Variants in GABRE observed in about 807,000 individuals in gnomAD.
The protein encoded by GABRE is gamma-aminobutyric acid receptor subunit epsilon.
A neutral mutation model predicts 31.0 loss-of-function variants in GABRE; 20 were observed. The observed-to-expected ratio is 0.64, with a 90% CI of 0.45 to 0.94. GABRE has a LOEUF of 0.94. GABRE is among the 40% of genes least tolerant of loss of function. GABRE has a pLI of 0.00. For missense variants in GABRE, 420 were observed against 410.7 expected (o/e 1.02, Z -0.20); for synonymous variants, 155 against 150.6 (o/e 1.03, Z -0.21).
chrX:151,956,787 TGGTCATGGCTCTCAGCTAGAC>T (rs1252267708), intron 6 of GABRE: 1 of 112,185 alleles, frequency 8.9e-6, no homozygotes, highest in Non-Finnish European at 1.9e-5. Flanking sequence ...ATTGTGTCCT[TGGTCATGGCTCTCAGCTAGAC>T]GGTCATGGCT....
intron 6 of GABRE, 95 bp downstream of exon 6, chrX:151,959,744 T>C (rs369190909): frequency 3.3e-5 from 31 of 953,452 alleles, no homozygotes; most frequent in Middle Eastern, 2.7e-4. Flanking sequence ...TCTTACAATG[T>C]TTGCACGGGA....
rs1254157156 is a variant in GABRE at position 151,974,554 on chromosome X, C to T, written c.56+16G>A. ...CTGGGCGCGAAGGGCTCCCGGGTCCCGGGATGGAGACTCACCTCGACTGGA... is the reference window on the plus strand; with the variant it reads ...CTGGGCGCGAAGGGCTCCCGGGTCCTGGGATGGAGACTCACCTCGACTGGA... On this transcript the variant is annotated intron_variant, in intron 1 of 8. Coordinates refer to ENST00000370328, the MANE Select transcript of GABRE (RefSeq NM_004961.4). 3.5e-6 allele frequency: 4 copies of T among 1,146,902 alleles called. No homozygotes were observed. Among genetic ancestry groups the T allele is most frequent in the Non-Finnish European group, 4.7e-6 (4 of 858,708 alleles). 94.5% of individuals were successfully genotyped at this position (1,146,902 alleles called of 1,213,427 possible).
At chrX:151,958,502 C>T in intron 6 of GABRE, 2 of 339,848 alleles carry the variant, frequency 5.9e-6, no homozygotes, top group Non-Finnish European at 1.2e-5. Flanking sequence ...CTCTTTTCTC[C>T]TCAAGAATCC....
chrX:151,961,215 G>T (rs1934357543), intron 5 of GABRE, 68 bp downstream of exon 5: 1 of 730,325 alleles, frequency 1.4e-6, no homozygotes, highest in Non-Finnish European at 2.1e-6. Context: ...AAATGTAAAT[G>T]GCAAGGATGA....
chrX:151,957,430 C>T (rs1475866761), intron 6 of GABRE: 1 of 328,712 alleles, frequency 3.0e-6, no homozygotes, highest in Non-Finnish European at 5.9e-6. Flanking sequence ...ACCACCCTCG[C>T]ACTTGCCTAC....
intron 2 of GABRE, 118 bp from the exon 3 acceptor site, chrX:151,969,854 G>A: frequency 9.0e-7 from 1 of 1,109,060 alleles, no homozygotes; most frequent in Non-Finnish European, 1.2e-6. Flanking sequence ...CACAGTTTCA[G>A]CATCTAATCC....
Position 151,974,522 on chromosome X carries a change from G to A in GABRE, c.56+48C>T, listed in dbSNP as rs758296148. On this transcript the variant is annotated intron_variant, in intron 1 of 8. Coordinates refer to ENST00000370328, the MANE Select transcript of GABRE (RefSeq NM_004961.4). ...CGGGAGCCGTCCCGGCTCCCGGGGA[G>A]AGGGAGCTGGGCGCGAAGGGCTCCC... is the stretch of plus-strand genomic sequence containing the variant. The A allele has an allele frequency of 1.5e-5, 14 of 947,249 alleles. No homozygotes were observed. The South Asian group carries it at 3.3e-4, about 22-fold the overall frequency. 78.1% of individuals were successfully genotyped at this position (947,249 alleles called of 1,213,427 possible).
intron 4 of GABRE, 47 bp from the exon 5 acceptor site, chrX:151,961,412 G>A (rs750082519): frequency 4.1e-5 from 37 of 891,837 alleles, no homozygotes; most frequent in African/African-American, 8.2e-5. Flanking sequence ...AAGCACTTCC[G>A]TATCCACCCA....
Position 151,958,991 on chromosome X carries a change from G to A in GABRE, c.784+848C>T, listed in dbSNP as rs185064374. The A allele has an allele frequency of 3.3e-4, 107 of 327,662 alleles. 1 individual carries two copies. The highest frequency in any genetic ancestry group is 3.6e-4 in the Non-Finnish European group (61 of 168,468). The allele number at this position is 327,662 out of a possible 1,213,427, so 27.0% of individuals were successfully genotyped here. A position where few individuals can be genotyped will look rare whatever the true frequency, so the allele number is the denominator to read the frequency against. On this transcript the variant is annotated intron_variant, in intron 6 of 8. Transcript: ENST00000370328. Reference sequence around the variant, plus strand: ...GGTAGCAGAACAAGATGCCTCTCACGACAAATGGCTGGTTGGGTGACTGGC... The same window carrying A: ...GGTAGCAGAACAAGATGCCTCTCACAACAAATGGCTGGTTGGGTGACTGGC...
chrX:151,970,269 T>C lies in GABRE; in HGVS notation c.190A>G (p.Arg64Gly), dbSNP rs1196755593. 1 of 1,210,795 alleles carries C rather than the reference T, an allele frequency of 8.3e-7. No homozygotes were observed. The highest frequency in any genetic ancestry group is 1.1e-6 in the Non-Finnish European group (1 of 895,476). ...TKSTETETGS[R>G]VGKLPEASRI... ...GAGGCTTCTGGCAGTTTGCCAACTC[T>C]GCTCCCAGTCTCAGTCTCAGTTGAC... Residue 64 changes from arginine (R) to glycine (G), a missense_variant, in exon 2 of 9, where the codon AGA (arginine) becomes GGA (glycine). Transcript: ENST00000370328.
intron 1 of GABRE, chrX:151,972,639 C>T: frequency 1.3e-6 from 1 of 753,509 alleles, no homozygotes; most frequent in South Asian, 6.8e-5. Flanking sequence ...CCCTCCTGCC[C>T]CTAGACTAGG....
At position 151,954,751 on chromosome X, in the gene GABRE, T is replaced by C. The variant is rs1024271649; in HGVS notation, c.1471A>G (p.Thr491Ala). The change falls in exon 9 of 9, where the codon ACT (threonine) becomes GCT (alanine). Residue 491 changes from threonine to alanine, a missense_variant. By Grantham distance (58) the Thr-to-Ala change is moderately conservative (BLOSUM62 0). Transcript: ENST00000370328. ...TAGAGCACATTGAAGAAGAAGAAAG[T>C]CACTGGGAAAACAACTCTCGAGTAG... ...DNYSRVVFPV[T>A]FFFFNVLYWL... 5.0e-6 allele frequency: 6 copies of C among 1,210,016 alleles called. No homozygotes were observed. The African/African-American group carries it at 1.0e-4, about 21-fold the overall frequency.
intron 1 of GABRE, among the ~76,000 whole-genome samples, chrX:151,970,717 C>T (rs973982487): frequency 2.7e-5 from 3 of 112,209 alleles, no homozygotes; most frequent in Non-Finnish European, 3.8e-5. Flanking sequence ...TATGTCTGAG[C>T]GCTGGCCCAC....
chrX:151,968,355 T>C (rs963968105), intron 3 of GABRE, among the ~76,000 whole-genome samples: 2 of 112,635 alleles, frequency 1.8e-5, no homozygotes, highest in African/African-American at 6.4e-5. Flanking sequence ...TGATTATTTG[T>C]TGTTTTAAGA....
rs772552823 is a variant in GABRE, at chrX:151,955,609, G to C, written c.938-42C>G. 2.5e-6 allele frequency: 3 copies of C among 1,199,215 alleles called. No homozygotes were observed. The South Asian group carries it at 5.3e-5, about 21-fold the overall frequency. ...GTGATGGGCTCAGCTCCTGACCTAT[G>C]TGCGACATTGGTTAAAAGACTCCAT... On this transcript the variant is annotated intron_variant, in intron 7 of 8. Transcript: ENST00000370328.
intron 1 of GABRE, chrX:151,972,151 G>A: frequency 1.3e-6 from 1 of 753,329 alleles, no homozygotes; most frequent in Non-Finnish European, 1.6e-6. Context: ...GCCAACTTAA[G>A]AAGCAAAATG....
chrX:151,971,276 A>C (rs1253996041), intron 1 of GABRE: 1 of 331,201 alleles, frequency 3.0e-6, no homozygotes, highest in African/African-American at 2.6e-5. Context: ...ACAACTCATC[A>C]GCTGTACACT....
intron 4 of GABRE, 46 bp downstream of exon 4, chrX:151,962,377 G>A (rs779860017): frequency 9.3e-6 from 10 of 1,075,145 alleles, no homozygotes. Context: ...ATTATCAGAA[G>A]GGGAGAGAGA....
At chrX:151,957,747 G>A in intron 6 of GABRE, 2 of 220,940 alleles carry the variant, frequency 9.1e-6, no homozygotes, top group South Asian at 5.7e-5. Context: ...AATATATCTG[G>A]GGCTGATGAA....
Sources: gnomAD v4.1 joint callset for allele counts (sites outside exome capture counted in the v4.1 genomes callset) on GRCh38, gnomAD v4.1.1 for gene constraint, MANE v1.5 for transcripts, NCBI Gene and HGNC (gene_info 2026-07-23, HGNC 2026-07-21) for gene names.